NTRK2: variants seen among roughly 807,000 people sequenced by gnomAD.
The protein encoded by NTRK2 is neurotrophic receptor tyrosine kinase 2, also known as BDNF/NT-3 growth factors receptor.
NTRK2 carries 13 observed loss-of-function variants against 94.5 expected under a neutral mutation model. That is an observed-to-expected ratio of 0.14 (90% CI 0.09 to 0.22). The LOEUF (loss-of-function observed/expected upper bound fraction) is 0.22. Among genes scored for constraint, NTRK2 ranks in the 10% least tolerant of loss-of-function variants. The pLI is 1.00. For missense variants in NTRK2, 639 were observed against 1,071.2 expected (o/e 0.60, Z 5.63); for synonymous variants, 372 against 407.4 (o/e 0.91, Z 1.05).
chr9:84,778,966 T>C lies in NTRK2; in HGVS notation c.1396+26881T>C, dbSNP rs529664477. Among the ~76,000 whole-genome samples the C allele has an allele frequency of 3.3e-5, 5 of 152,304 alleles. No homozygotes were observed. The East Asian group carries it at 9.7e-4, about 29-fold the overall frequency. On this transcript the variant is annotated intron_variant, in intron 12 of 18. Transcript: ENST00000277120. The stretch of plus-strand genomic sequence containing the variant: ...CAGTGAGATGCCCTTTTCATAGCCT[T>C]AACAGGCTGGTCTTTTCTTCTCCCA...
intron 12 of NTRK2, among the ~76,000 whole-genome samples, chr9:84,828,592 G>T (rs1587547882): frequency 6.6e-6 from 1 of 152,046 alleles, no homozygotes. Context: ...CACAACAAAG[G>T]TGAAATTGTA....
intron 12 of NTRK2, among the ~76,000 whole-genome samples, chr9:84,846,350 C>G (rs554664717): frequency 2.0e-5 from 3 of 152,190 alleles, no homozygotes; most frequent in African/African-American, 7.2e-5. Flanking sequence ...ATGCAGTTTT[C>G]CAAGCAAAAG....
chr9:84,938,873 A>T (rs1234309843), intron 15 of NTRK2, among the ~76,000 whole-genome samples: 1 of 152,034 alleles, frequency 6.6e-6, no homozygotes, highest in Non-Finnish European at 1.5e-5. Flanking sequence ...CAACATGATG[A>T]AACCCCATGT....
chr9:84,920,918 G>T (rs755649801), intron 14 of NTRK2, among the ~76,000 whole-genome samples: 4 of 152,176 alleles, frequency 2.6e-5, no homozygotes, highest in Non-Finnish European at 5.9e-5. Context: ...GCTTATTCTT[G>T]AGTGAATTTT....
chr9:84,710,930 A>T, intron 6 of NTRK2, 139 bp downstream of exon 6: 1 of 801,984 alleles, frequency 1.2e-6, no homozygotes, highest in East Asian at 2.7e-5. Flanking sequence ...GACAACATTT[A>T]TGTGCAGTGT....
In NTRK2 at chr9:85,022,202, T is replaced by G. The variant is rs945091799; in HGVS notation, c.*765T>G. On this transcript the variant is annotated 3_prime_UTR_variant, in exon 19 of 19. Coordinates refer to ENST00000277120, the MANE Select transcript of NTRK2 (RefSeq NM_006180.6). ...CAGCAACTGTTAGCTGGGAAGAATG[T>G]ATTCGGCACCTTCCCCTGAGGACCT... 8.6e-6 allele frequency: 2 copies of G among 233,156 alleles called. No individual in the cohort carries two copies. The highest frequency in any genetic ancestry group is 4.4e-5 in the African/African-American group (2 of 45,346). The allele number at this position is 233,156 out of a possible 1,614,324, so 14.4% of individuals were successfully genotyped here. A position where few individuals can be genotyped will look rare whatever the true frequency, so the allele number is the denominator to read the frequency against.
chr9:84,699,112 T>C (rs1006054774), intron 2 of NTRK2, among the ~76,000 whole-genome samples: 2 of 151,220 alleles, frequency 1.3e-5, no homozygotes, highest in East Asian at 1.9e-4. Context: ...TCTCGGCTCA[T>C]GTCAAGCTCC....
intron 17 of NTRK2, among the ~76,000 whole-genome samples, chr9:84,969,565 G>A (rs570774023): frequency 2.7e-4 from 41 of 152,316 alleles, no homozygotes; most frequent in Middle Eastern, 3.4e-3. Flanking sequence ...ATAATAACAC[G>A]TGTTTTTGTT....
chr9:84,862,350 G>A (rs1034590180), intron 13 of NTRK2, among the ~76,000 whole-genome samples: 2 of 152,154 alleles, frequency 1.3e-5, no homozygotes, highest in African/African-American at 2.4e-5. Flanking sequence ...GGTGTATCCC[G>A]TGTGTTTTTG....
intron 14 of NTRK2, chr9:84,872,586 C>G (rs199919670): frequency 2.8e-6 from 3 of 1,062,256 alleles, no homozygotes; most frequent in Non-Finnish European, 3.4e-6. Flanking sequence ...GTGGCAGAGG[C>G]ATGTAAAGTA....
chr9:85,013,514 G>A (rs1050059146), intron 17 of NTRK2, among the ~76,000 whole-genome samples: 4 of 152,124 alleles, frequency 2.6e-5, no homozygotes, highest in Non-Finnish European at 5.9e-5. Context: ...TGTTGGTCAG[G>A]CTGGTCTAAC....
chr9:84,707,461 A>G (rs1659402), intron 4 of NTRK2, among the ~76,000 whole-genome samples: 1 of 151,848 alleles, frequency 6.6e-6, no homozygotes, highest in African/African-American at 2.4e-5. Flanking sequence ...TTTAAGGCAT[A>G]TTTTTTCCCT....
intron 17 of NTRK2, among the ~76,000 whole-genome samples, chr9:84,976,755 G>A (rs1206920601): frequency 6.6e-6 from 1 of 152,074 alleles, no homozygotes; most frequent in Non-Finnish European, 1.5e-5. Flanking sequence ...CACAACTAGA[G>A]AACTCTGTTA....
At chr9:84,983,691 T>A (rs59322868) in intron 17 of NTRK2, among the ~76,000 whole-genome samples, 33,263 of 152,056 alleles carry the variant, frequency 0.22, 4,372 homozygotes, top group African/African-American at 0.37. Context: ...AGATTTCCAC[T>A]GTCAGGTACA....
At chr9:84,793,532 ACTGCCTCAGCCAC>A (rs2068951414) in intron 12 of NTRK2, among the ~76,000 whole-genome samples, 1 of 152,210 alleles carries the variant, frequency 6.6e-6, no homozygotes, top group Non-Finnish European at 1.5e-5. Flanking sequence ...CAAACACCTC[ACTGCCTCAGCCAC>A]CTGCCCCATG....
chr9:84,812,688 T>G, intron 12 of NTRK2: 1 of 1,042,964 alleles, frequency 9.6e-7, no homozygotes, highest in Non-Finnish European at 1.2e-6. Context: ...TTTAAAGCTT[T>G]TATGTTATAC....
intron 17 of NTRK2, among the ~76,000 whole-genome samples, chr9:85,009,146 C>A (rs972398527): frequency 6.6e-6 from 1 of 152,154 alleles, no homozygotes; most frequent in African/African-American, 2.4e-5. Context: ...AGCCTTTGGA[C>A]CCAAGATGGT....
chr9:84,903,694 TTTCC>T (rs370127045), intron 14 of NTRK2, among the ~76,000 whole-genome samples: 117 of 152,044 alleles, frequency 7.7e-4, no homozygotes, highest in African/African-American at 1.0e-3. Context: ...TCTTTTCTTT[TTTCC>T]TTCCTTCCTT....
Position 84,823,409 on chromosome 9 carries a change from C to T in NTRK2, c.1397-37631C>T, listed in dbSNP as rs577014950. 1.6e-3 allele frequency among the ~76,000 whole-genome samples: 239 copies of T among 152,312 alleles called. 1 individual carries two copies. The highest frequency in any genetic ancestry group is 2.3e-3 in the Non-Finnish European group (155 of 68,030). On this transcript the variant is annotated intron_variant, in intron 12 of 18. Coordinates refer to ENST00000277120, the MANE Select transcript of NTRK2 (RefSeq NM_006180.6). ...AGGACCAAGTCGGAGTGGTACAGAG[C>T]GATGCATCCTCTTACACAATTACTC...
Sources: gnomAD v4.1 joint callset for allele counts (sites outside exome capture counted in the v4.1 genomes callset) on GRCh38, gnomAD v4.1.1 for gene constraint, MANE v1.5 for transcripts, NCBI Gene and HGNC (gene_info 2026-07-23, HGNC 2026-07-21) for gene names.